The following FGGY variants were observed in gnomAD, a reference collection of about 807,000 sequenced individuals.
FGGY encodes the protein FGGY carbohydrate kinase domain containing.
FGGY carries 72 observed loss-of-function variants against 71.3 expected under a neutral mutation model. The ratio of observed to expected loss-of-function variants is 1.01; its 90% CI spans 0.84 to 1.23. The LOEUF (loss-of-function observed/expected upper bound fraction) is 1.23. Among genes scored for constraint, FGGY ranks in the 50% most tolerant of loss-of-function variants. FGGY has a pLI of 0.00. For missense variants in FGGY, 668 were observed against 682.3 expected (o/e 0.98, Z 0.23); for synonymous variants, 251 against 250.3 (o/e 1.00, Z -0.02).
intron 6 of FGGY, among the ~76,000 whole-genome samples, chr1:59,488,178 T>C (rs775895182): frequency 6.6e-6 from 1 of 152,144 alleles, no homozygotes; most frequent in Non-Finnish European, 1.5e-5. Context: ...TGTAATGATA[T>C]TTTTAAGCCT....
At chr1:59,409,598 T>TTATATATATATATATA (rs202016801) in intron 5 of FGGY, among the ~76,000 whole-genome samples, 7 of 105,752 alleles carry the variant, frequency 6.6e-5, no homozygotes, top group African/African-American at 2.2e-4. Flanking sequence ...GAAGAGTTTT[T>TTATATATATATATATA]TATATATATA....
At chr1:59,535,139 C>G (rs906394572) in intron 7 of FGGY, among the ~76,000 whole-genome samples, 17 of 152,138 alleles carry the variant, frequency 1.1e-4, no homozygotes, top group Non-Finnish European at 2.2e-4. Flanking sequence ...GGAGGAAGAT[C>G]TACCTAGCAA....
chr1:59,687,975 G>A (rs2153997859), intron 14 of FGGY, among the ~76,000 whole-genome samples: 1 of 152,306 alleles, frequency 6.6e-6, no homozygotes, highest in South Asian at 2.1e-4. Context: ...ACTGGAGAAG[G>A]GATGGCTGGT....
At chr1:59,586,437 C>T (rs1183382745) in intron 8 of FGGY, among the ~76,000 whole-genome samples, 2 of 151,978 alleles carry the variant, frequency 1.3e-5, no homozygotes, top group African/African-American at 4.8e-5. Context: ...TGTTCTCACT[C>T]ATAGGTGGGA....
chr1:59,667,395 A>G lies in FGGY; in HGVS notation c.1409A>G (p.Asp470Gly). ...CCCCTTTTTGTGCAAATGCATGCGG[A>G]CATTACTGGTAAGTCTGGGAAAGAG... The part of the protein sequence containing the change: ...KNPLFVQMHA[D>G]ITGMPVVLSQ... Residue 470 changes from aspartate to glycine, a missense_variant, in exon 13 of 16, where the codon GAC becomes GGC. By Grantham distance (94) the Asp-to-Gly change is moderately conservative (BLOSUM62 -1). Around this residue, in one of 2 missense-constraint regions of FGGY, gnomAD observed 661 missense variants for 661.6 expected, o/e 1.00. Transcript: ENST00000303721. 1 of 1,614,100 alleles carries G rather than the reference A, an allele frequency of 6.2e-7. No homozygotes were observed. The highest frequency in any genetic ancestry group is 8.5e-7 in the Non-Finnish European group (1 of 1,179,980).
At chr1:59,675,926 G>A (rs894020662) in intron 14 of FGGY, among the ~76,000 whole-genome samples, 1 of 152,060 alleles carries the variant, frequency 6.6e-6, no homozygotes, top group Non-Finnish European at 1.5e-5. Context: ...AGTCTGATGG[G>A]TTATGATGGT....
At chr1:59,709,322 G>T (rs148850357) in intron 14 of FGGY, among the ~76,000 whole-genome samples, 5 of 152,246 alleles carry the variant, frequency 3.3e-5, no homozygotes, top group African/African-American at 1.2e-4. Context: ...GCCATCAGCT[G>T]GCATGAGAAT....
chr1:59,726,900 C>A (rs2097954359), intron 14 of FGGY, among the ~76,000 whole-genome samples: 2 of 152,012 alleles, frequency 1.3e-5, no homozygotes, highest in Admixed American at 1.3e-4. Context: ...TTAATTTCAA[C>A]TTTTATTTTA....
intron 5 of FGGY, among the ~76,000 whole-genome samples, chr1:59,419,652 G>A (rs1052668526): frequency 3.3e-5 from 5 of 152,106 alleles, no homozygotes; most frequent in South Asian, 2.1e-4. Flanking sequence ...CTTATTCTCC[G>A]TGGCTCAGTT....
chr1:59,526,524 T>A (rs2094985518), intron 7 of FGGY, among the ~76,000 whole-genome samples: 1 of 152,194 alleles, frequency 6.6e-6, no homozygotes, highest in African/African-American at 2.4e-5. Flanking sequence ...TAATACAACT[T>A]GCATACTGCT....
chr1:59,712,168 C>A (rs762313403), intron 14 of FGGY, among the ~76,000 whole-genome samples: 4 of 152,182 alleles, frequency 2.6e-5, no homozygotes, highest in Non-Finnish European at 4.4e-5. Context: ...AGTCCAAAAT[C>A]CAGCAAGGCA....
At chr1:59,730,041 G>A (rs58840728) in intron 14 of FGGY, among the ~76,000 whole-genome samples, 15,714 of 152,134 alleles carry the variant, frequency 0.1, 884 homozygotes, top group South Asian at 0.14. Context: ...AGGTAAAACC[G>A]ATGAAAGTGT....
intron 5 of FGGY, among the ~76,000 whole-genome samples, chr1:59,404,771 G>A (rs944333492): frequency 6.6e-6 from 1 of 152,194 alleles, no homozygotes; most frequent in African/African-American, 2.4e-5. Context: ...GAAGTTAGAT[G>A]AGGAGGGTGA....
At chr1:59,482,199 A>G (rs2093495780) in intron 6 of FGGY, among the ~76,000 whole-genome samples, 1 of 152,150 alleles carries the variant, frequency 6.6e-6, no homozygotes, top group South Asian at 2.1e-4. Flanking sequence ...GTGTTTGTCA[A>G]GTTGATGATC....
At chr1:59,606,153 A>T (rs1047966339) in intron 8 of FGGY, among the ~76,000 whole-genome samples, 1 of 152,066 alleles carries the variant, frequency 6.6e-6, no homozygotes, top group African/African-American at 2.4e-5. Flanking sequence ...TAATAATAAT[A>T]AAATAAAAAA....
chr1:59,491,905 C>A (rs2093877186), intron 6 of FGGY, among the ~76,000 whole-genome samples: 1 of 152,110 alleles, frequency 6.6e-6, no homozygotes, highest in African/African-American at 2.4e-5. Context: ...TACTTTCCAT[C>A]TTGTAAAGTT....
At chr1:59,674,626 T>G (rs2097418406) in intron 14 of FGGY, among the ~76,000 whole-genome samples, 1 of 152,126 alleles carries the variant, frequency 6.6e-6, no homozygotes, top group South Asian at 2.1e-4. Context: ...GGAAACAATT[T>G]GGTGGCTGTG....
intron 4 of FGGY, among the ~76,000 whole-genome samples, chr1:59,363,437 C>G (rs145860689): frequency 6.6e-6 from 1 of 152,140 alleles, no homozygotes; most frequent in African/African-American, 2.4e-5. Context: ...TTCATTTGAT[C>G]CCCCATCAAC....
chr1:59,610,218 T>A (rs1488484295), intron 9 of FGGY, among the ~76,000 whole-genome samples: 3 of 152,308 alleles, frequency 2.0e-5, no homozygotes, highest in African/African-American at 7.2e-5. Flanking sequence ...TGTGTCCTAA[T>A]GCTCTCCCTC....
Sources: gnomAD v4.1 joint callset for allele counts (sites outside exome capture counted in the v4.1 genomes callset) on GRCh38, gnomAD v4.1.1 for gene constraint, gnomAD v4.1.1 regional missense constraint, MANE v1.5 for transcripts, NCBI Gene and HGNC (gene_info 2026-07-23, HGNC 2026-07-21) for gene names.